The following VTI1A variants were observed in gnomAD, a reference collection of about 807,000 sequenced individuals.
The protein encoded by VTI1A is vesicle transport through interaction with t-SNAREs 1A.
A neutral mutation model predicts 34.9 loss-of-function variants in VTI1A; 22 were observed. The observed-to-expected ratio is 0.63, with a 90% confidence interval of 0.45 to 0.90. The LOEUF (loss-of-function observed/expected upper bound fraction) is 0.90, where lower values mean the gene tolerates loss of function less well. Among genes scored for constraint, VTI1A ranks in the 40% least tolerant of loss-of-function variants. The pLI, the probability that VTI1A is intolerant of heterozygous loss-of-function variation, is 0.00. For missense variants in VTI1A, 268 were observed against 275.6 expected (o/e 0.97, Z 0.20); for synonymous variants, 87 against 97.3 (o/e 0.89, Z 0.62).
chr10:112,606,825 A>G (rs1564846027), intron 5 of VTI1A, among the ~76,000 whole-genome samples: 1 of 152,206 alleles, frequency 6.6e-6, no homozygotes, highest in Non-Finnish European at 1.5e-5. Flanking sequence ...ATGAAATACT[A>G]GTTTTCACAA....
At chr10:112,581,509 G>A (rs1843934796) in intron 5 of VTI1A, among the ~76,000 whole-genome samples, 1 of 152,214 alleles carries the variant, frequency 6.6e-6, no homozygotes, top group African/African-American at 2.4e-5. Context: ...GATAACAGAA[G>A]TACCTACCTT....
intron 3 of VTI1A, among the ~76,000 whole-genome samples, chr10:112,467,721 A>T (rs1326701098): frequency 6.6e-6 from 1 of 152,238 alleles, no homozygotes. Flanking sequence ...TTACTTTAAC[A>T]TACATTATTT....
chr10:112,484,307 T>C (rs1284178731), intron 3 of VTI1A, among the ~76,000 whole-genome samples: 1 of 152,242 alleles, frequency 6.6e-6, no homozygotes, highest in East Asian at 1.9e-4. Flanking sequence ...AAAATTTGAA[T>C]ACTTGGCATT....
chr10:112,635,952 T>C (rs1846338569), intron 5 of VTI1A, among the ~76,000 whole-genome samples: 1 of 152,164 alleles, frequency 6.6e-6, no homozygotes, highest in African/African-American at 2.4e-5. Context: ...AGATTAAGCA[T>C]AGAAACAGAG....
At chr10:112,468,271 A>T (rs895140217) in intron 3 of VTI1A, among the ~76,000 whole-genome samples, 2 of 152,194 alleles carry the variant, frequency 1.3e-5, no homozygotes, top group Non-Finnish European at 2.9e-5. Context: ...TTACCACACC[A>T]TCTCACATGG....
intron 3 of VTI1A, among the ~76,000 whole-genome samples, chr10:112,491,467 T>G (rs1353305710): frequency 6.6e-6 from 1 of 152,326 alleles, no homozygotes; most frequent in South Asian, 2.1e-4. Flanking sequence ...GATGTGATTC[T>G]TTTTAAGACT....
At chr10:112,606,805 T>A (rs1292188898) in intron 5 of VTI1A, among the ~76,000 whole-genome samples, 1 of 152,200 alleles carries the variant, frequency 6.6e-6, no homozygotes, top group Non-Finnish European at 1.5e-5. Context: ...TTGTCCTTTA[T>A]GCTATTAAAA....
At chr10:112,619,484 T>A (rs1845646110) in intron 5 of VTI1A, among the ~76,000 whole-genome samples, 1 of 152,110 alleles carries the variant, frequency 6.6e-6, no homozygotes, top group Admixed American at 6.5e-5. Flanking sequence ...CTCCAACAGC[T>A]CCTCTTTGAA....
intron 7 of VTI1A, among the ~76,000 whole-genome samples, chr10:112,730,949 G>A (rs1005061682): frequency 6.6e-6 from 1 of 152,002 alleles, no homozygotes; most frequent in African/African-American, 2.4e-5. Flanking sequence ...GTTTATACCT[G>A]ATGCCAAGAA....
intron 5 of VTI1A, among the ~76,000 whole-genome samples, chr10:112,667,437 G>A (rs559362379): frequency 1.2e-4 from 19 of 152,214 alleles, no homozygotes; most frequent in African/African-American, 3.6e-4. Context: ...AAGGGTCTAC[G>A]GCTGGAGAAG....
chr10:112,622,752 T>C (rs1475813511), intron 5 of VTI1A, among the ~76,000 whole-genome samples: 2 of 152,228 alleles, frequency 1.3e-5, no homozygotes, highest in Admixed American at 1.3e-4. Context: ...TACTTTCCAG[T>C]ATTGGTTTAA....
chr10:112,727,834 C>T (rs1850095652), intron 7 of VTI1A, among the ~76,000 whole-genome samples: 1 of 151,974 alleles, frequency 6.6e-6, no homozygotes, highest in African/African-American at 2.4e-5. Context: ...TTTATGTCAT[C>T]TCTTTCTGTC....
intron 7 of VTI1A, among the ~76,000 whole-genome samples, chr10:112,694,061 G>A (rs1165018289): frequency 6.6e-6 from 1 of 152,026 alleles, no homozygotes; most frequent in Non-Finnish European, 1.5e-5. Context: ...ACAAAAATTA[G>A]CCAGCTTGGT....
At chr10:112,782,464 G>A (rs1441568143) in intron 7 of VTI1A, among the ~76,000 whole-genome samples, 2 of 152,256 alleles carry the variant, frequency 1.3e-5, no homozygotes, top group Non-Finnish European at 2.9e-5. Context: ...GCGTTTCCAA[G>A]GCCTTCTGAG....
intron 7 of VTI1A, among the ~76,000 whole-genome samples, chr10:112,757,651 G>T (rs1003437727): frequency 7.2e-5 from 11 of 152,118 alleles, no homozygotes; most frequent in African/African-American, 2.7e-4. Context: ...CTGCCAAAGT[G>T]CTGGGATTAC....
chr10:112,789,375 G>C (rs574984721), intron 7 of VTI1A, among the ~76,000 whole-genome samples: 290 of 152,210 alleles, frequency 1.9e-3, no homozygotes, highest in Non-Finnish European at 2.6e-3. Flanking sequence ...TCATTCCACT[G>C]TCTTCTCTTC....
At chr10:112,544,236 G>A (rs781397894) in intron 5 of VTI1A, among the ~76,000 whole-genome samples, 6 of 152,138 alleles carry the variant, frequency 3.9e-5, no homozygotes, top group Non-Finnish European at 7.4e-5. Context: ...GTAGCTTGAT[G>A]GGGATGGCAT....
intron 5 of VTI1A, among the ~76,000 whole-genome samples, chr10:112,659,877 T>A (rs1001387753): frequency 6.6e-6 from 1 of 152,234 alleles, no homozygotes; most frequent in African/African-American, 2.4e-5. Flanking sequence ...TAAATGCTAA[T>A]GTCCTCAGAG....
intron 7 of VTI1A, among the ~76,000 whole-genome samples, chr10:112,687,977 T>C (rs1488703591): frequency 6.9e-6 from 1 of 144,274 alleles, no homozygotes; most frequent in Non-Finnish European, 1.5e-5. Flanking sequence ...TTTTTAAGAC[T>C]GGGTCTTGCT....
Sources: allele counts gnomAD v4.1 joint callset (sites outside exome capture counted in the v4.1 genomes callset), GRCh38; gene constraint gnomAD v4.1.1; transcripts MANE v1.5; gene names NCBI Gene and HGNC (gene_info 2026-07-23, HGNC 2026-07-21).